The following ITGA9 variants were observed in gnomAD, a reference collection of about 807,000 sequenced individuals.
The protein encoded by ITGA9 is integrin subunit alpha 9.
In ITGA9, 56 loss-of-function variants were observed where a neutral mutation model predicts 127.8. The observed-to-expected ratio is 0.44, with a 90% CI of 0.35 to 0.55. The LOEUF is 0.55. Ranked by LOEUF, ITGA9 falls within the 20% of genes least tolerant of loss-of-function variation. ITGA9 has a pLI of 0.00. For missense variants in ITGA9, 1,196 were observed against 1,347.1 expected (o/e 0.89, Z 1.76); for synonymous variants, 508 against 514.5 (o/e 0.99, Z 0.17).
intron 4 of ITGA9, 44 bp downstream of exon 4, chr3:37,481,651 GC>G (rs1559517107): frequency 1.2e-6 from 2 of 1,613,134 alleles, no homozygotes; most frequent in Non-Finnish European, 1.7e-6. Context: ...CCCACCTCAT[GC>G]CCTAAGCCCG....
chr3:37,480,033 C>T (rs772948068), intron 3 of ITGA9, among the ~76,000 whole-genome samples: 7 of 152,088 alleles, frequency 4.6e-5, no homozygotes, highest in Non-Finnish European at 8.8e-5. Context: ...AATGCATTCA[C>T]TGGCTGGGGT....
chr3:37,755,045 T>G (rs771155149), intron 23 of ITGA9, among the ~76,000 whole-genome samples: 4 of 152,118 alleles, frequency 2.6e-5, no homozygotes, highest in Non-Finnish European at 5.9e-5. Context: ...GTAAAGAAAT[T>G]ACTCCTGAAT....
rs185091362 is a variant in ITGA9 at position 37,757,802 on chromosome 3, C to T, written c.2541+7233C>T. Reference sequence around the variant, plus strand: ...AGACCTATATCTTAAAAAAAATCACCGACCCAGATAGCTATATAGGCAGAT... The same window carrying T: ...AGACCTATATCTTAAAAAAAATCACTGACCCAGATAGCTATATAGGCAGAT... On this transcript the variant is annotated intron_variant, in intron 23 of 27. Transcript: ENST00000264741. Among the ~76,000 whole-genome samples, 287 of 151,332 alleles carry T rather than the reference C, an allele frequency of 1.9e-3. 2 individuals carry two copies. Among genetic ancestry groups the T allele is most frequent in the Non-Finnish European group, 2.7e-3 (183 of 67,914 alleles).
intron 26 of ITGA9, among the ~76,000 whole-genome samples, chr3:37,786,627 AAC>A (rs1371709293): frequency 2.0e-5 from 3 of 152,108 alleles, no homozygotes; most frequent in South Asian, 2.1e-4. Context: ...AAAAAAAAAA[AAC>A]CAATAGTAAT....
At chr3:37,745,578 T>C (rs1327898380) in intron 22 of ITGA9, 1 of 152,230 alleles carries the variant, frequency 6.6e-6, no homozygotes, top group African/African-American at 2.4e-5. Context: ...ATTAAAGATG[T>C]AGTTCAGAAA....
At chr3:37,486,465 A>G (rs568479061) in intron 4 of ITGA9, among the ~76,000 whole-genome samples, 56 of 152,344 alleles carry the variant, frequency 3.7e-4, no homozygotes, top group Middle Eastern at 6.8e-3. Context: ...TATGTGAGGT[A>G]TAAAGTGCCT....
intron 5 of ITGA9, among the ~76,000 whole-genome samples, chr3:37,495,716 A>G (rs1698721254): frequency 2.0e-5 from 3 of 152,214 alleles, no homozygotes. Context: ...AAAGATGCAT[A>G]ATATAAAAGT....
intron 11 of ITGA9, among the ~76,000 whole-genome samples, 195 bp downstream of exon 11, chr3:37,519,549 T>C (rs1169505314): frequency 6.6e-6 from 1 of 152,244 alleles, no homozygotes; most frequent in East Asian, 1.9e-4. Flanking sequence ...GAATCCCAAG[T>C]TCGCTAACAC....
At chr3:37,792,548 A>G (rs1299556572) in intron 26 of ITGA9, among the ~76,000 whole-genome samples, 6 of 152,180 alleles carry the variant, frequency 3.9e-5, no homozygotes. Flanking sequence ...TGGCCTCTTC[A>G]AGGCACTGAA....
chr3:37,637,742 G>A (rs1472781039), intron 16 of ITGA9, among the ~76,000 whole-genome samples: 3 of 152,036 alleles, frequency 2.0e-5, no homozygotes, highest in South Asian at 2.1e-4. Flanking sequence ...ACAGGAACTC[G>A]GCCCACTGTA....
chr3:37,633,181 G>A (rs1700243556), intron 16 of ITGA9, among the ~76,000 whole-genome samples: 1 of 152,114 alleles, frequency 6.6e-6, no homozygotes, highest in Non-Finnish European at 1.5e-5. Flanking sequence ...ATGAGCAAGT[G>A]GCAAATATTC....
intron 23 of ITGA9, among the ~76,000 whole-genome samples, chr3:37,757,969 C>T (rs1354486820): frequency 1.3e-5 from 2 of 151,644 alleles, no homozygotes; most frequent in Admixed American, 6.6e-5. Flanking sequence ...CACACTCACG[C>T]AAAAATAGGA....
Position 37,819,085 on chromosome 3 carries a change from C to A in ITGA9, c.*96C>A. 1.1e-6 allele frequency: 1 copy of A among 937,410 alleles called. No individual in the cohort carries two copies. Among genetic ancestry groups the A allele is most frequent in the Non-Finnish European group, 1.7e-6 (1 of 583,342 alleles). 58.1% of individuals were successfully genotyped at this position (937,410 alleles called of 1,614,324 possible). On this transcript the variant is annotated 3_prime_UTR_variant, in exon 28 of 28. Coordinates refer to ENST00000264741, the MANE Select transcript of ITGA9 (RefSeq NM_002207.3). Reference sequence around the variant, plus strand: ...AGAAAAAAATCTTCTCCAGATTTTTCGGAGGCCCCACTGATGCTGTTCTCT... The same window carrying A: ...AGAAAAAAATCTTCTCCAGATTTTTAGGAGGCCCCACTGATGCTGTTCTCT...
At chr3:37,690,046 A>G (rs1359649022) in intron 18 of ITGA9, among the ~76,000 whole-genome samples, 1 of 152,256 alleles carries the variant, frequency 6.6e-6, no homozygotes, top group African/African-American at 2.4e-5. Flanking sequence ...AAGGTGAAGC[A>G]AGTCATTACC....
intron 25 of ITGA9, 117 bp downstream of exon 25, chr3:37,780,138 A>G (rs1361589062): frequency 7.9e-7 from 1 of 1,259,702 alleles, no homozygotes; most frequent in East Asian, 2.4e-5. Context: ...CCTCATGACA[A>G]TCTGGCTGCC....
chr3:37,694,050 C>T (rs1700859160), intron 18 of ITGA9, among the ~76,000 whole-genome samples: 1 of 152,230 alleles, frequency 6.6e-6, no homozygotes, highest in Non-Finnish European at 1.5e-5. Flanking sequence ...CCGCCCCCTT[C>T]CTGTCTTTAA....
At chr3:37,603,296 A>G (rs1426123689) in intron 15 of ITGA9, among the ~76,000 whole-genome samples, 1 of 152,208 alleles carries the variant, frequency 6.6e-6, no homozygotes, top group African/African-American at 2.4e-5. Flanking sequence ...ACTTTTTTCA[A>G]TATTTCCTAA....
At chr3:37,459,197 G>T (rs1043822653) in intron 1 of ITGA9, among the ~76,000 whole-genome samples, 2 of 152,226 alleles carry the variant, frequency 1.3e-5, no homozygotes, top group Admixed American at 6.5e-5. Flanking sequence ...GATGTCAAGT[G>T]CTATCTACAT....
chr3:37,513,616 G>A (rs1698955729), intron 8 of ITGA9, 147 bp from the exon 9 acceptor site: 3 of 844,442 alleles, frequency 3.6e-6, no homozygotes, highest in South Asian at 2.9e-5. Context: ...GCCCTGGTGT[G>A]TGATGTTCCC....
Sources: allele counts gnomAD v4.1 joint callset (sites outside exome capture counted in the v4.1 genomes callset), GRCh38; gene constraint gnomAD v4.1.1; transcripts MANE v1.5; gene names NCBI Gene and HGNC (gene_info 2026-07-23, HGNC 2026-07-21).